Variants in DDR2 observed in about 807,000 individuals in gnomAD.
The protein encoded by DDR2 is discoidin domain-containing receptor 2.
A neutral mutation model predicts 94.9 loss-of-function variants in DDR2; 27 were observed. The observed-to-expected ratio is 0.28, with a 90% CI of 0.21 to 0.39. The LOEUF (loss-of-function observed/expected upper bound fraction) is 0.39, where lower values mean the gene tolerates loss of function less well. Ranked by LOEUF, DDR2 falls within the 10% of genes least tolerant of loss-of-function variation. DDR2 has a pLI of 1.00. For synonymous variants in DDR2, 382 were observed against 377.2 expected, an observed-to-expected ratio of 1.01 and a Z score of -0.15; for missense variants, 783 against 1,076.0, an observed-to-expected ratio of 0.73 and a Z score of 3.81.
chr1:162,741,702 A>C (rs182037291), intron 3 of DDR2: 1 of 985,414 alleles, frequency 1.0e-6, no homozygotes, highest in East Asian at 1.1e-4. Flanking sequence ...CACAGGTGAC[A>C]GTCACAAAGG....
At chr1:162,754,421 A>C (rs1472778959) in intron 4 of DDR2, among the ~76,000 whole-genome samples, 1 of 152,184 alleles carries the variant, frequency 6.6e-6, no homozygotes, top group Non-Finnish European at 1.5e-5. Context: ...ACTGTCTTTC[A>C]GGGTCTCATG....
intron 7 of DDR2, 22 bp downstream of exon 7, chr1:162,755,791 T>C (rs1396509538): frequency 6.3e-7 from 1 of 1,598,462 alleles, no homozygotes; most frequent in Non-Finnish European, 8.6e-7. Flanking sequence ...GAAACTTTAT[T>C]AGAATGGGAA....
intron 2 of DDR2, among the ~76,000 whole-genome samples, chr1:162,686,190 T>G (rs1206966821): frequency 2.9e-5 from 4 of 138,802 alleles, no homozygotes; most frequent in African/African-American, 9.7e-5. Flanking sequence ...CATGCCCAGC[T>G]AATTTTTGTA....
intron 8 of DDR2, among the ~76,000 whole-genome samples, chr1:162,760,446 C>G (rs925477244): frequency 4.9e-4 from 60 of 122,064 alleles, no homozygotes; most frequent in African/African-American, 1.8e-3. Context: ...ATATATATAA[C>G]CATATATACA....
intron 1 of DDR2, among the ~76,000 whole-genome samples, chr1:162,649,165 CA>C (rs1657557696): frequency 6.6e-6 from 1 of 151,990 alleles, no homozygotes; most frequent in South Asian, 2.1e-4. Context: ...CAAATTAGTT[CA>C]AAAAATATTG....
rs562753373 is a variant in DDR2 at position 162,679,353 on chromosome 1, C to T, written c.-28+23979C>T. Reference sequence around the variant, plus strand: ...AGGATAATGAGATCATGTTCTCTGACATGGAAAGAGAAACACACAAATTTT... The same window carrying T: ...AGGATAATGAGATCATGTTCTCTGATATGGAAAGAGAAACACACAAATTTT... On this transcript the variant is annotated intron_variant, in intron 2 of 17. Coordinates refer to ENST00000367921, the MANE Select transcript of DDR2 (RefSeq NM_006182.4). Among the ~76,000 whole-genome samples, 6 of 152,126 alleles carry T rather than the reference C, an allele frequency of 3.9e-5. No homozygotes were observed. The South Asian group carries it at 1.2e-3, about 32-fold the overall frequency.
chr1:162,653,315 G>C (rs891285859), intron 1 of DDR2, among the ~76,000 whole-genome samples: 1 of 151,802 alleles, frequency 6.6e-6, no homozygotes, highest in African/African-American at 2.4e-5. Context: ...GGTGGCTTGT[G>C]CCTGTAATCC....
intron 2 of DDR2, among the ~76,000 whole-genome samples, chr1:162,685,556 G>A (rs1012186485): frequency 6.6e-6 from 1 of 151,868 alleles, no homozygotes; most frequent in African/African-American, 2.4e-5. Flanking sequence ...TTGTGGACAA[G>A]TCAACTGGTG....
In DDR2 at chr1:162,776,221, G is replaced by T. The variant is rs1318269557; in HGVS notation, c.2134G>T (p.Ala712Ser). 6.2e-7 allele frequency: 1 copy of T among 1,613,632 alleles called. No individual in the cohort carries two copies. The highest frequency in any genetic ancestry group is 8.5e-7 in the Non-Finnish European group (1 of 1,179,894). ...SSLNFVHRDL[A>S]TRNCLVGKNY... ...TCTTAATTTTGTTCACCGAGATCTGGCCACACGAAACTGTTTAGTGGGTAA... is the reference window on the plus strand; with the variant it reads ...TCTTAATTTTGTTCACCGAGATCTGTCCACACGAAACTGTTTAGTGGGTAA... Residue 712 changes from alanine to serine, a missense_variant, in exon 16 of 18, where the codon GCC becomes TCC. Physicochemically the swap from Ala to Ser is moderately conservative, Grantham distance 99. Transcript: ENST00000367921.
chr1:162,766,200 G>T (rs764637438), intron 10 of DDR2, 137 bp downstream of exon 10: 4 of 859,186 alleles, frequency 4.7e-6, no homozygotes, highest in African/African-American at 1.6e-5. Flanking sequence ...GCCCTGGAAA[G>T]GTAGGACTGT....
At chr1:162,765,312 T>C (rs988035702) in intron 9 of DDR2, among the ~76,000 whole-genome samples, 1 of 152,138 alleles carries the variant, frequency 6.6e-6, no homozygotes, top group Non-Finnish European at 1.5e-5. Context: ...CTTATTTATA[T>C]AATAATATTA....
chr1:162,777,430 TA>T lies in DDR2; in HGVS notation c.2283+1062del, dbSNP rs545275983. 3.0e-3 allele frequency among the ~76,000 whole-genome samples: 463 copies of T among 152,300 alleles called. 2 individuals carry two copies. Among genetic ancestry groups the T allele is most frequent in the African/African-American group, 0.011 (453 of 41,572 alleles). ...AATAATGCCTCTATAATTTGATATTTAAGTACTTTCCAATTTCCTGCTATTA... is the reference window on the plus strand; with the variant it reads ...AATAATGCCTCTATAATTTGATATTTAGTACTTTCCAATTTCCTGCTATTA... On this transcript the variant is annotated intron_variant, in intron 16 of 17. Transcript: ENST00000367921.
At chr1:162,649,705 G>T (rs1402629380) in intron 1 of DDR2, among the ~76,000 whole-genome samples, 1 of 152,186 alleles carries the variant, frequency 6.6e-6, no homozygotes, top group African/African-American at 2.4e-5. Context: ...AGACTGTTGG[G>T]CACAATTACA....
intron 1 of DDR2, among the ~76,000 whole-genome samples, chr1:162,641,282 A>C (rs1657117287): frequency 6.6e-6 from 1 of 152,140 alleles, no homozygotes; most frequent in African/African-American, 2.4e-5. Flanking sequence ...CAGCACCCAC[A>C]TCCCCATATT....
intron 2 of DDR2, among the ~76,000 whole-genome samples, chr1:162,681,519 A>G (rs1659399502): frequency 6.6e-6 from 1 of 152,170 alleles, no homozygotes. Flanking sequence ...AAACTACCAT[A>G]TGCAGGGTGA....
chr1:162,785,040 C>A lies in DDR2; in HGVS notation c.*4794C>A, dbSNP rs1648094412. The A allele has an allele frequency of 6.6e-6, 1 of 152,174 alleles. No homozygotes were observed. The highest frequency in any genetic ancestry group is 2.1e-4 in the South Asian group (1 of 4,834). 9.4% of individuals were successfully genotyped at this position (152,174 alleles called of 1,614,324 possible). A position where few individuals can be genotyped will look rare whatever the true frequency, so the allele number is the denominator to read the frequency against. On this transcript the variant is annotated 3_prime_UTR_variant, in exon 18 of 18. Coordinates refer to ENST00000367921, the MANE Select transcript of DDR2 (RefSeq NM_006182.4). ...GAGACTATTAACACATTAATGTGTT[C>A]CTTTGTCATGAGCAATACCCTGCCT... is the stretch of plus-strand genomic sequence containing the variant.
intron 2 of DDR2, among the ~76,000 whole-genome samples, chr1:162,704,433 C>A (rs1481890959): frequency 6.6e-6 from 1 of 152,082 alleles, no homozygotes; most frequent in Non-Finnish European, 1.5e-5. Context: ...TTGACACATA[C>A]CAACATCAAA....
At chr1:162,773,720 C>T in intron 14 of DDR2, 124 bp downstream of exon 14, 2 of 1,286,166 alleles carry the variant, frequency 1.6e-6, no homozygotes, top group Non-Finnish European at 2.2e-6. Flanking sequence ...CCTCCCATTT[C>T]CACTGTTATC....
chr1:162,659,198 A>G (rs2101916479), intron 2 of DDR2, among the ~76,000 whole-genome samples: 1 of 152,326 alleles, frequency 6.6e-6, no homozygotes, highest in East Asian at 1.9e-4. Flanking sequence ...GAAAGGAATG[A>G]AAAAGAGAAT....
Sources: allele counts gnomAD v4.1 joint callset (sites outside exome capture counted in the v4.1 genomes callset), GRCh38; gene constraint gnomAD v4.1.1; transcripts MANE v1.5; gene names NCBI Gene and HGNC (gene_info 2026-07-23, HGNC 2026-07-21).